The following UGT1A10 variants were observed in gnomAD, a reference collection of about 807,000 sequenced individuals.
UGT1A10 encodes the protein UDP glucuronosyltransferase family 1 member A10, also known as UDP-glucuronosyltransferase 1A10.
In UGT1A10, 49 loss-of-function variants were observed where a neutral mutation model predicts 45.8. That is an observed-to-expected ratio of 1.07 (90% CI 0.85 to 1.36). UGT1A10 has a LOEUF of 1.36. Among genes scored for constraint, UGT1A10 ranks in the 40% most tolerant of loss-of-function variants. UGT1A10 has a pLI of 0.00. For synonymous variants in UGT1A10, 284 were observed against 249.7 expected (o/e 1.14, Z -1.29); for missense variants, 745 against 668.6 (o/e 1.11, Z -1.26).
At chr2:233,765,606 C>G (rs4663971) in intron 1 of UGT1A10, among the ~76,000 whole-genome samples, 75,263 of 151,312 alleles carry the variant, frequency 0.5, 19,319 homozygotes, top group African/African-American at 0.62. Context: ...GGGCTTGTGG[C>G]GGGGTGAGGG....
At chr2:233,720,033 T>A (rs13401281) in intron 1 of UGT1A10, among the ~76,000 whole-genome samples, 3 of 152,074 alleles carry the variant, frequency 2.0e-5, no homozygotes, top group South Asian at 4.2e-4. Context: ...TTTGCTTGCC[T>A]GATTTTCAGC....
chr2:233,701,504 T>C (rs2075633196), intron 1 of UGT1A10, among the ~76,000 whole-genome samples: 1 of 152,122 alleles, frequency 6.6e-6, no homozygotes, highest in Non-Finnish European at 1.5e-5. Flanking sequence ...CTAATAGACA[T>C]CTACAGAACT....
intron 1 of UGT1A10, among the ~76,000 whole-genome samples, chr2:233,709,696 T>C (rs554703505): frequency 1.5e-4 from 23 of 152,216 alleles, no homozygotes; most frequent in Non-Finnish European, 2.6e-4. Flanking sequence ...TGGGAAAATT[T>C]TGTTCTTTTT....
intron 1 of UGT1A10, chr2:233,755,200 G>C: frequency 9.0e-7 from 1 of 1,105,698 alleles, no homozygotes; most frequent in Non-Finnish European, 1.3e-6. Context: ...GCCAGCTTGC[G>C]GTACGCCTTC....
rs565161721 is a variant in UGT1A10, at chr2:233,681,556, T to C, written c.855+44179T>C. ...AAAAAAAAAAAAAAAAAAAAAAAATTGCAAATTTTTCTTTGTGACAAATTC... is the reference window on the plus strand; with the variant it reads ...AAAAAAAAAAAAAAAAAAAAAAAATCGCAAATTTTTCTTTGTGACAAATTC... On this transcript the variant is annotated intron_variant, in intron 1 of 4. Coordinates refer to ENST00000344644, the MANE Select transcript of UGT1A10 (RefSeq NM_019075.4). 3.1e-4 allele frequency among the ~76,000 whole-genome samples: 46 copies of C among 147,906 alleles called. No individual in the cohort carries two copies. The East Asian group carries it at 6.7e-3, about 22-fold the overall frequency.
chr2:233,662,256 C>T (rs1177149013), intron 1 of UGT1A10, among the ~76,000 whole-genome samples: 2 of 152,112 alleles, frequency 1.3e-5, no homozygotes, highest in East Asian at 1.9e-4. Context: ...ATAAAATAGA[C>T]TCGTTGCTAT....
intron 1 of UGT1A10, among the ~76,000 whole-genome samples, chr2:233,706,235 G>A (rs2075896552): frequency 6.6e-6 from 1 of 152,250 alleles, no homozygotes; most frequent in African/African-American, 2.4e-5. Flanking sequence ...GTGCAGCTGG[G>A]AGAGTGAGAG....
At chr2:233,666,348 G>C (rs1038886714) in intron 1 of UGT1A10, among the ~76,000 whole-genome samples, 2 of 152,260 alleles carry the variant, frequency 1.3e-5, no homozygotes, top group South Asian at 2.1e-4. Flanking sequence ...AGATAATTCA[G>C]CTATATCATT....
intron 1 of UGT1A10, among the ~76,000 whole-genome samples, chr2:233,705,123 C>G (rs1488231635): frequency 7.7e-6 from 1 of 130,446 alleles, no homozygotes; most frequent in Non-Finnish European, 1.6e-5. Flanking sequence ...GGGACAAGAG[C>G]GAGACTTCGT....
chr2:233,666,685 CATGTGCACAATGTGCAGGTTAGT>C (rs1371754460), intron 1 of UGT1A10, among the ~76,000 whole-genome samples: 5 of 151,282 alleles, frequency 3.3e-5, no homozygotes, highest in African/African-American at 1.2e-4. Flanking sequence ...TTTTAGAGTA[CATGTGCACAATGTGCAGGTTAGT>C]TACATATGTA....
In UGT1A10 at chr2:233,693,210, A is replaced by G. The variant is rs751801719; in HGVS notation, c.855+55833A>G. ...CCTGAAGTTAATTTGCTTTTGAAAG[A>G]ATCCAAATACTACACAAGAAAAATC... On this transcript the variant is annotated intron_variant, in intron 1 of 4. Transcript: ENST00000344644. The G allele has an allele frequency of 3.1e-6, 5 of 1,614,206 alleles. No individual in the cohort carries two copies. Among genetic ancestry groups the G allele is most frequent in the Admixed American group, 3.3e-5 (2 of 60,028 alleles).
chr2:233,691,273 T>C (rs921179484), intron 1 of UGT1A10: 1 of 985,424 alleles, frequency 1.0e-6, no homozygotes, highest in Non-Finnish European at 1.2e-6. Flanking sequence ...GCCGCCCCCA[T>C]GACTTTGATC....
chr2:233,760,285 G>A (rs376515645), intron 1 of UGT1A10: 12 of 1,612,814 alleles, frequency 7.4e-6, no homozygotes, highest in African/African-American at 4.0e-5. Context: ...GAGCAAAGGC[G>A]CCATGGCTGT....
intron 1 of UGT1A10, chr2:233,748,021 T>C: frequency 1.9e-6 from 3 of 1,613,578 alleles, no homozygotes; most frequent in Non-Finnish European, 2.5e-6. Context: ...AGGCCGATCA[T>C]GCCCAACATG....
intron 1 of UGT1A10, chr2:233,722,122 T>A (rs1395891774): frequency 5.5e-6 from 1 of 183,338 alleles, no homozygotes; most frequent in African/African-American, 2.3e-5. Context: ...ATCATCATCA[T>A]TAGTAGAGTT....
At chr2:233,763,733 T>C (rs528064995) in intron 1 of UGT1A10, among the ~76,000 whole-genome samples, 4 of 152,330 alleles carry the variant, frequency 2.6e-5, no homozygotes, top group South Asian at 4.1e-4. Flanking sequence ...CAACCTGGCA[T>C]TGGCGTGTCT....
Position 233,758,200 on chromosome 2 carries a change from T to C in UGT1A10, c.856-8834T>C, listed in dbSNP as rs184891359. Among the ~76,000 whole-genome samples the C allele has an allele frequency of 3.3e-4, 50 of 152,348 alleles. No homozygotes were observed. In the East Asian group the frequency reaches 9.2e-3, roughly 28 times the overall value. On this transcript the variant is annotated intron_variant, in intron 1 of 4. Coordinates refer to ENST00000344644, the MANE Select transcript of UGT1A10 (RefSeq NM_019075.4). ...AGATATTAATTGGATTGCTTAGTAGTGGTTCTCTGTTGTAATTCATGAGCA... is the reference window on the plus strand; with the variant it reads ...AGATATTAATTGGATTGCTTAGTAGCGGTTCTCTGTTGTAATTCATGAGCA...
At chr2:233,762,750 TA>T (rs777496065) in intron 1 of UGT1A10, among the ~76,000 whole-genome samples, 22 of 152,278 alleles carry the variant, frequency 1.4e-4, no homozygotes, top group East Asian at 1.9e-4. Flanking sequence ...GTGAATGTGT[TA>T]TTTTTTTGCA....
intron 1 of UGT1A10, among the ~76,000 whole-genome samples, chr2:233,637,776 T>G (rs45555431): frequency 0.011 from 1,732 of 152,308 alleles, 45 homozygotes; most frequent in African/African-American, 0.039. Flanking sequence ...CTCATGTAAG[T>G]TCCCATACCT....
Sources: gnomAD v4.1 joint callset for allele counts (sites outside exome capture counted in the v4.1 genomes callset) on GRCh38, gnomAD v4.1.1 for gene constraint, MANE v1.5 for transcripts, NCBI Gene and HGNC (gene_info 2026-07-23, HGNC 2026-07-21) for gene names.